The following SOX13 variants were observed in gnomAD, a reference collection of about 807,000 sequenced individuals.
SOX13 encodes SRY-box transcription factor 13.
A neutral mutation model predicts 71.8 loss-of-function variants in SOX13; 28 were observed. The ratio of observed to expected loss-of-function variants is 0.39; its 90% confidence interval spans 0.29 to 0.53. The LOEUF (loss-of-function observed/expected upper bound fraction) is 0.53. Ranked by LOEUF, SOX13 falls within the 20% of genes least tolerant of loss-of-function variation. The pLI, the probability that SOX13 is intolerant of heterozygous loss-of-function variation, is 0.70. For synonymous variants in SOX13, 309 were observed against 317.8 expected, an observed-to-expected ratio of 0.97 and a Z score of 0.29; for missense variants, 627 against 810.3, an observed-to-expected ratio of 0.77 and a Z score of 2.75.
At chr1:204,074,859 A>T (rs1392552600) in intron 1 of SOX13, among the ~76,000 whole-genome samples, 1 of 152,240 alleles carries the variant, frequency 6.6e-6, no homozygotes, top group Non-Finnish European at 1.5e-5. Flanking sequence ...CGCCTCGGTG[A>T]CAGAGGCTTG....
chr1:204,117,887 C>G (rs1410255647), intron 7 of SOX13, 180 bp downstream of exon 7: 2 of 597,690 alleles, frequency 3.3e-6, no homozygotes, highest in Non-Finnish European at 6.1e-6. Flanking sequence ...CTCTGAACTT[C>G]ACTGGGAGAA....
intron 1 of SOX13, among the ~76,000 whole-genome samples, chr1:204,101,731 G>A (rs1656365348): frequency 6.6e-6 from 1 of 152,098 alleles, no homozygotes; most frequent in South Asian, 2.1e-4. Context: ...TTCAGACAAT[G>A]AATCTGAGGT....
At chr1:204,109,094 G>A in intron 1 of SOX13, among the ~76,000 whole-genome samples, 1 of 152,192 alleles carries the variant, frequency 6.6e-6, no homozygotes, top group East Asian at 1.9e-4. Flanking sequence ...CGCTCTCCAA[G>A]CCCCTGGGCT....
At chr1:204,105,155 G>A (rs11240668) in intron 1 of SOX13, among the ~76,000 whole-genome samples, 23,616 of 152,110 alleles carry the variant, frequency 0.16, 2,096 homozygotes, top group East Asian at 0.43. Flanking sequence ...CTTGTCTCAG[G>A]TGCTGGATTT....
At chr1:204,093,837 T>C (rs1656195424) in intron 1 of SOX13, among the ~76,000 whole-genome samples, 1 of 152,206 alleles carries the variant, frequency 6.6e-6, no homozygotes, top group Admixed American at 6.5e-5. Flanking sequence ...ATAGGCACTG[T>C]CATTATCTTT....
intron 1 of SOX13, among the ~76,000 whole-genome samples, chr1:204,102,472 C>A (rs1461179281): frequency 6.6e-6 from 1 of 152,126 alleles, no homozygotes; most frequent in East Asian, 1.9e-4. Context: ...GGTGGCGCTG[C>A]GAATGTGGGG....
In SOX13 at chr1:204,124,793, G is replaced by A. The variant is rs756639206; in HGVS notation, c.1528G>A (p.Val510Met). Residue 510 changes from valine to methionine, a missense_variant, in exon 13 of 14, where the codon GTG becomes ATG. Transcript: ENST00000367204. ...TCIVEGKRLR[V>M]GEYKALMRTR... ...CATCGTGGAGGGCAAGCGGCTGCGC[G>A]TGGGAGAGTACAAGGCCCTGATGAG... 1.3e-5 allele frequency: 20 copies of A among 1,595,580 alleles called. No individual in the cohort carries two copies. The highest frequency in any genetic ancestry group is 1.7e-4 in the Middle Eastern group (1 of 6,054).
At position 204,073,473 on chromosome 1, in the gene SOX13, C is replaced by G. The variant is rs1459038009; in HGVS notation, c.-240C>G. ...CCCGGCCGGAACCAAGCTCGCCGCC[C>G]GGGACGGCGGGCCCCGTGGGGCGCG... On this transcript the variant is annotated 5_prime_UTR_variant, in exon 1 of 14. Coordinates refer to ENST00000367204, the MANE Select transcript of SOX13 (RefSeq NM_005686.3). The surrounding 1 kb of genome is among the most constrained non-coding windows in gnomAD (Gnocchi z 6.8). 1.3e-5 allele frequency: 2 copies of G among 151,682 alleles called. No homozygotes were observed. Among genetic ancestry groups the G allele is most frequent in the Non-Finnish European group, 2.9e-5 (2 of 67,894 alleles). 9.4% of individuals were successfully genotyped at this position (151,682 alleles called of 1,614,324 possible).
chr1:204,121,461 G>C lies in SOX13; in HGVS notation c.776-439G>C, dbSNP rs541598187. 1.2e-4 allele frequency among the ~76,000 whole-genome samples: 18 copies of C among 152,340 alleles called. No homozygotes were observed. The East Asian group carries it at 3.5e-3, about 29-fold the overall frequency. ...TTCTTTTTCTGTAAAATGGGATGATGATGTATTCAGCCCCTGTTATATATC... is the reference window on the plus strand; with the variant it reads ...TTCTTTTTCTGTAAAATGGGATGATCATGTATTCAGCCCCTGTTATATATC... On this transcript the variant is annotated intron_variant, in intron 7 of 13. Coordinates refer to ENST00000367204, the MANE Select transcript of SOX13 (RefSeq NM_005686.3).
chr1:204,118,643 A>G (rs949537070), intron 7 of SOX13: 12 of 152,136 alleles, frequency 7.9e-5, no homozygotes, highest in African/African-American at 2.9e-4. Flanking sequence ...GCGTGAGCCA[A>G]CATCTCCCAA....
chr1:204,122,221 G>T lies in SOX13; in HGVS notation c.862-16G>T. ...TTTGGTGTCTGTCATCCTCTGACCT[G>T]CTGGGTCTCCCTCAGGAGCCCTCCC... is the stretch of plus-strand genomic sequence containing the variant. On this transcript the variant is annotated splice_polypyrimidine_tract_variant and intron_variant, in intron 8 of 13. Coordinates refer to ENST00000367204, the MANE Select transcript of SOX13 (RefSeq NM_005686.3). 1.3e-6 allele frequency: 2 copies of T among 1,556,574 alleles called. No individual in the cohort carries two copies. The highest frequency in any genetic ancestry group is 1.7e-6 in the Non-Finnish European group (2 of 1,151,286).
intron 1 of SOX13, among the ~76,000 whole-genome samples, chr1:204,090,729 A>G (rs1439315785): frequency 6.6e-6 from 1 of 152,194 alleles, no homozygotes; most frequent in Non-Finnish European, 1.5e-5. Flanking sequence ...GACTCTTGCC[A>G]AAGGCTCAGG....
At chr1:204,082,787 T>C (rs1055009758) in intron 1 of SOX13, among the ~76,000 whole-genome samples, 1 of 152,096 alleles carries the variant, frequency 6.6e-6, no homozygotes, top group Admixed American at 6.5e-5. Context: ...AATCTTGACT[T>C]GGGTAGAGGT....
chr1:204,116,444 A>C (rs1656695668), intron 4 of SOX13, 63 bp from the exon 5 acceptor site: 2 of 1,613,090 alleles, frequency 1.2e-6, no homozygotes, highest in Non-Finnish European at 1.7e-6. Context: ...GGGTGGATAG[A>C]TGGATGGATG....
chr1:204,097,617 G>A, intron 1 of SOX13, among the ~76,000 whole-genome samples: 1 of 151,410 alleles, frequency 6.6e-6, no homozygotes, highest in East Asian at 1.9e-4. Flanking sequence ...CTTGAACCCG[G>A]GAGGTAGAGG....
intron 1 of SOX13, among the ~76,000 whole-genome samples, chr1:204,096,398 C>T (rs1163420264): frequency 6.6e-6 from 1 of 151,454 alleles, no homozygotes. Context: ...GCCACCATGC[C>T]CAGCTGATTT....
At chr1:204,125,074 A>G (rs1473534146) in intron 13 of SOX13, among the ~76,000 whole-genome samples, 1 of 152,128 alleles carries the variant, frequency 6.6e-6, no homozygotes, top group African/African-American at 2.4e-5. Context: ...TCAGTGGCTG[A>G]GGATGTAGGA....
chr1:204,095,235 G>GA (rs1280705555), intron 1 of SOX13, among the ~76,000 whole-genome samples: 1 of 152,200 alleles, frequency 6.6e-6, no homozygotes, highest in African/African-American at 2.4e-5. Flanking sequence ...GAGGGGAAAG[G>GA]ATTTCCAGGA....
At chr1:204,074,146 G>T (rs1013072940) in intron 1 of SOX13, 3 of 152,216 alleles carry the variant, frequency 2.0e-5, no homozygotes, top group African/African-American at 7.2e-5. Flanking sequence ...AAGCCGAAGC[G>T]ACCTGCGCGC....
Sources: gnomAD v4.1 joint callset for allele counts (sites outside exome capture counted in the v4.1 genomes callset) on GRCh38, gnomAD v4.1.1 for gene constraint, Gnocchi (gnomAD v3.1) non-coding constraint, MANE v1.5 for transcripts, NCBI Gene and HGNC (gene_info 2026-07-23, HGNC 2026-07-21) for gene names.